Variants in PCDH11X observed in about 807,000 individuals in gnomAD.
PCDH11X encodes the protein protocadherin-11 X-linked.
PCDH11X carries 18 observed loss-of-function variants against 53.3 expected under a neutral mutation model. The observed-to-expected ratio is 0.34, with a 90% CI of 0.23 to 0.50. PCDH11X has a LOEUF of 0.50. Among genes scored for constraint, PCDH11X ranks in the 20% least tolerant of loss-of-function variants. The pLI, the probability that PCDH11X is intolerant of heterozygous loss-of-function variation, is 0.98. For missense variants in PCDH11X, 570 were observed against 1,032.4 expected, an observed-to-expected ratio of 0.55 and a Z score of 6.14; for synonymous variants, 279 against 393.3, an observed-to-expected ratio of 0.71 and a Z score of 3.44.
chrX:92,530,721 C>A, intron 10 of PCDH11X, among the ~76,000 whole-genome samples: 1 of 111,742 alleles, frequency 8.9e-6, no homozygotes, highest in East Asian at 2.8e-4. Flanking sequence ...AGTTTTTTTT[C>A]ATCTCTTCTA....
chrX:92,285,425 G>C (rs761210991), intron 8 of PCDH11X, among the ~76,000 whole-genome samples: 1 of 109,027 alleles, frequency 9.2e-6, no homozygotes, highest in African/African-American at 3.3e-5. Context: ...GGCAAATCTT[G>C]TAGTTTTAGT....
chrX:92,326,622 C>CTA lies in PCDH11X; in HGVS notation c.3145-61096_3145-61095dup, dbSNP rs1160866218. ...ATTATTTTCAATTATTTTTAATAAACTATATATATATATATATAGAGAGAG... is the reference window on the plus strand; with the variant it reads ...ATTATTTTCAATTATTTTTAATAAACTATATATATATATATATATAGAGAGAG... On this transcript the variant is annotated intron_variant, in intron 8 of 10. Transcript: ENST00000682573. Among the ~76,000 whole-genome samples, 36 of 45,794 alleles carry CTA rather than the reference C, an allele frequency of 7.9e-4. 6 individuals carry two copies. Among genetic ancestry groups the CTA allele is most frequent in the East Asian group, 3.3e-3 (2 of 607 alleles). The allele number at this position is 45,794 out of a possible 115,157, so 39.8% of individuals were successfully genotyped here.
chrX:91,995,491 G>C (rs906184484), intron 6 of PCDH11X, among the ~76,000 whole-genome samples: 1 of 111,224 alleles, frequency 9.0e-6, no homozygotes, highest in Non-Finnish European at 1.9e-5. Context: ...TTACTTAACT[G>C]TCTATGTGTG....
rs201866727 is a variant in PCDH11X at position 92,149,487 on chromosome X, G to GTATATATA, written c.3034-51880_3034-51873dup. ...TGTGTGTGTGTATATATGTGTGTGTGTATATATATATATATGTATGTATAT... is the reference window on the plus strand; with the variant it reads ...TGTGTGTGTGTATATATGTGTGTGTGTATATATATATATATATATATATGTATGTATAT... On this transcript the variant is annotated intron_variant, in intron 6 of 10. Transcript: ENST00000682573. Among the ~76,000 whole-genome samples the GTATATATA allele has an allele frequency of 4.2e-4, 43 of 102,704 alleles. 1 individual carries two copies. In the South Asian group the frequency reaches 0.015, roughly 35 times the overall value. The allele number at this position is 102,704 out of a possible 115,157, so 89.2% of individuals were successfully genotyped here. A position where few individuals can be genotyped will look rare whatever the true frequency, so the allele number is the denominator to read the frequency against.
intron 6 of PCDH11X, among the ~76,000 whole-genome samples, chrX:92,077,626 AAGG>A (rs2063795181): frequency 4.8e-5 from 1 of 20,731 alleles, no homozygotes; most frequent in Non-Finnish European, 9.2e-5. Context: ...GGAAGGGAGG[AAGG>A]AAGGAAGGAA....
At chrX:91,983,852 A>T (rs1309111926) in intron 6 of PCDH11X, among the ~76,000 whole-genome samples, 1 of 110,769 alleles carries the variant, frequency 9.0e-6, no homozygotes, top group African/African-American at 3.3e-5. Context: ...TATAATCTGT[A>T]AACAAAACAT....
At chrX:91,785,631 G>T (rs5984816) in intron 1 of PCDH11X, among the ~76,000 whole-genome samples, 35,449 of 110,106 alleles carry the variant, frequency 0.32, 4,878 homozygotes, top group African/African-American at 0.51. Flanking sequence ...GGCTTTATAT[G>T]ACAACATTCC....
intron 6 of PCDH11X, among the ~76,000 whole-genome samples, chrX:92,013,302 A>G (rs1413338350): frequency 8.9e-6 from 1 of 111,930 alleles, no homozygotes; most frequent in East Asian, 2.8e-4. Flanking sequence ...AGAGAATAAA[A>G]TACCTAGGAA....
intron 6 of PCDH11X, among the ~76,000 whole-genome samples, chrX:91,965,237 G>T (rs1372421276): frequency 1.9e-5 from 2 of 107,868 alleles, no homozygotes; most frequent in African/African-American, 3.4e-5. Flanking sequence ...AATAATAATA[G>T]AAATTACAGT....
intron 6 of PCDH11X, among the ~76,000 whole-genome samples, chrX:91,990,006 G>A (rs1220132244): frequency 9.0e-6 from 1 of 110,668 alleles, no homozygotes; most frequent in African/African-American, 3.3e-5. Flanking sequence ...GATTAAATAT[G>A]ATTTTTTTCA....
intron 6 of PCDH11X, among the ~76,000 whole-genome samples, chrX:92,068,563 G>A (rs1002713538): frequency 9.1e-6 from 1 of 110,026 alleles, no homozygotes; most frequent in Non-Finnish European, 1.9e-5. Flanking sequence ...TTATTAAGAT[G>A]GAGTCTCACT....
chrX:92,412,844 T>G (rs1371175140), intron 9 of PCDH11X, among the ~76,000 whole-genome samples: 1 of 110,074 alleles, frequency 9.1e-6, no homozygotes, highest in Non-Finnish European at 1.9e-5. Flanking sequence ...AAAGTAAGCA[T>G]ATTCATTCTA....
At chrX:92,092,046 G>A (rs2064057455) in intron 6 of PCDH11X, among the ~76,000 whole-genome samples, 1 of 111,138 alleles carries the variant, frequency 9.0e-6, no homozygotes, top group East Asian at 2.8e-4. Context: ...TGTTATTCCC[G>A]AGTCAGATTG....
intron 6 of PCDH11X, among the ~76,000 whole-genome samples, chrX:92,023,982 T>G (rs111574129): frequency 9.6e-6 from 1 of 103,843 alleles, no homozygotes. Flanking sequence ...TGATAAAAAC[T>G]CTCAATAAAC....
intron 6 of PCDH11X, among the ~76,000 whole-genome samples, chrX:92,172,888 G>T (rs2065846362): frequency 9.0e-6 from 1 of 111,619 alleles, no homozygotes; most frequent in East Asian, 2.8e-4. Flanking sequence ...AGTACTTAAG[G>T]TGTAGTACTT....
chrX:91,851,605 G>T (rs1408122979), intron 5 of PCDH11X, among the ~76,000 whole-genome samples: 3 of 111,690 alleles, frequency 2.7e-5, no homozygotes, highest in Non-Finnish European at 3.8e-5. Context: ...TGTGGTTTTA[G>T]CTCTGATTAA....
At chrX:92,577,477 A>AT (rs372379323) in intron 10 of PCDH11X, among the ~76,000 whole-genome samples, 246 of 109,007 alleles carry the variant, frequency 2.3e-3, no homozygotes, top group African/African-American at 7.8e-3. Flanking sequence ...TATTTTATTA[A>AT]TTTTTTTCAA....
chrX:92,180,958 C>T (rs1336300436), intron 6 of PCDH11X, among the ~76,000 whole-genome samples: 4 of 108,950 alleles, frequency 3.7e-5, no homozygotes, highest in African/African-American at 6.7e-5. Context: ...TAGAGTGGGA[C>T]GCTGCTGAAA....
intron 9 of PCDH11X, among the ~76,000 whole-genome samples, chrX:92,434,111 T>G (rs746433808): frequency 9.0e-6 from 1 of 111,301 alleles, no homozygotes; most frequent in African/African-American, 3.3e-5. Flanking sequence ...TAACCTAAAT[T>G]TTATCTATCT....
Sources: allele counts gnomAD v4.1 joint callset (sites outside exome capture counted in the v4.1 genomes callset), GRCh38; gene constraint gnomAD v4.1.1; transcripts MANE v1.5; gene names NCBI Gene and HGNC (gene_info 2026-07-23, HGNC 2026-07-21).